Variants in ZBTB16 observed in about 807,000 individuals in gnomAD.
ZBTB16 encodes the protein zinc finger and BTB domain-containing protein 16.
In ZBTB16, 8 loss-of-function variants were observed where a neutral mutation model predicts 56.8. The observed-to-expected ratio is 0.14, with a 90% CI of 0.08 to 0.25. The LOEUF (loss-of-function observed/expected upper bound fraction) is 0.25, where lower values mean the gene tolerates loss of function less well. Among genes scored for constraint, ZBTB16 ranks in the 10% least tolerant of loss-of-function variants. The pLI is 1.00. For missense variants in ZBTB16, 625 were observed against 903.0 expected (o/e 0.69, Z 3.95); for synonymous variants, 363 against 368.5 (o/e 0.98, Z 0.17).
At chr11:114,203,946 A>G (rs1390407732) in intron 4 of ZBTB16, among the ~76,000 whole-genome samples, 1 of 152,118 alleles carries the variant, frequency 6.6e-6, no homozygotes, top group African/African-American at 2.4e-5. Flanking sequence ...TCAGGAGGAG[A>G]CGGGGTAGTT....
At chr11:114,243,776 C>T (rs1310354517) in intron 5 of ZBTB16, among the ~76,000 whole-genome samples, 1 of 152,182 alleles carries the variant, frequency 6.6e-6, no homozygotes, top group Non-Finnish European at 1.5e-5. Flanking sequence ...CTGAGCATGC[C>T]ACTGGGTCCA....
At chr11:114,233,057 A>T (rs1944475436) in intron 4 of ZBTB16, among the ~76,000 whole-genome samples, 1 of 109,920 alleles carries the variant, frequency 9.1e-6, no homozygotes, top group African/African-American at 3.1e-5. Context: ...ACTCTACTGC[A>T]CATACGCATG....
chr11:114,128,042 A>G (rs1377936935), intron 2 of ZBTB16, among the ~76,000 whole-genome samples: 1 of 152,174 alleles, frequency 6.6e-6, no homozygotes, highest in African/African-American at 2.4e-5. Flanking sequence ...TTCAGTGGGA[A>G]GGGTATAGGG....
At chr11:114,156,697 C>T in intron 3 of ZBTB16, among the ~76,000 whole-genome samples, 1 of 152,192 alleles carries the variant, frequency 6.6e-6, no homozygotes, top group East Asian at 1.9e-4. Flanking sequence ...GATCTACCTT[C>T]CAAAGTAGAC....
In ZBTB16 at chr11:114,186,986, T is replaced by A; in HGVS notation, c.1401T>A (p.Gly467=). ...AAGCCTTTGTCTGTGATCAGTGCGG[T>A]GCACAGTTTTCGAAGGAGGATGCCC... ...GAKAFVCDQC[G]AQFSKEDALE... The change falls in exon 4 of 7, where the codon GGT becomes GGA. Residue 467 remains glycine, a synonymous_variant. Transcript: ENST00000335953. 6.2e-7 allele frequency: 1 copy of A among 1,614,088 alleles called. No homozygotes were observed. The highest frequency in any genetic ancestry group is 1.1e-5 in the South Asian group (1 of 91,078).
chr11:114,223,263 A>T (rs979447472), intron 4 of ZBTB16, among the ~76,000 whole-genome samples: 1 of 152,192 alleles, frequency 6.6e-6, no homozygotes, highest in Admixed American at 6.5e-5. Context: ...AACCAAACCC[A>T]CAAAAGCCTA....
intron 2 of ZBTB16, among the ~76,000 whole-genome samples, chr11:114,118,028 A>G (rs917459846): frequency 6.6e-6 from 1 of 152,188 alleles, no homozygotes; most frequent in Non-Finnish European, 1.5e-5. Context: ...ACTCTGTGAA[A>G]TTTTAATCCT....
At chr11:114,183,097 G>T (rs1943285984) in intron 3 of ZBTB16, among the ~76,000 whole-genome samples, 1 of 147,470 alleles carries the variant, frequency 6.8e-6, no homozygotes, top group Non-Finnish European at 1.5e-5. Context: ...TCACCCTGGA[G>T]AGCTGGGGGG....
At chr11:114,223,900 A>T (rs997805723) in intron 4 of ZBTB16, among the ~76,000 whole-genome samples, 2 of 152,194 alleles carry the variant, frequency 1.3e-5, no homozygotes, top group Non-Finnish European at 2.9e-5. Flanking sequence ...AGGTAGGTAA[A>T]TGTCCAGAGT....
At chr11:114,171,212 C>G (rs1942958424) in intron 3 of ZBTB16, among the ~76,000 whole-genome samples, 1 of 152,238 alleles carries the variant, frequency 6.6e-6, no homozygotes, top group Non-Finnish European at 1.5e-5. Context: ...GAATGATACT[C>G]TCTGTCTCTA....
At chr11:114,096,812 AT>A (rs1565623473) in intron 2 of ZBTB16, among the ~76,000 whole-genome samples, 2 of 152,154 alleles carry the variant, frequency 1.3e-5, no homozygotes, top group Non-Finnish European at 2.9e-5. Context: ...TTCTAATCTA[AT>A]TCTTTTTTTC....
At position 114,099,951 on chromosome 11, in the gene ZBTB16, T is replaced by C. The variant is rs530271730; in HGVS notation, c.1268+35383T>C. Among the ~76,000 whole-genome samples, 69 of 152,338 alleles carry C rather than the reference T, an allele frequency of 4.5e-4. 1 individual carries two copies. The highest frequency in any genetic ancestry group is 1.6e-3 in the African/African-American group (65 of 41,586). On this transcript the variant is annotated intron_variant, in intron 2 of 6. Transcript: ENST00000335953. ...GTGTCTGTCTTTCTCAACCCCAGTG[T>C]GTGTCCTCTGACGTCTAGTGGATTG...
At chr11:114,122,151 C>T (rs1053233212) in intron 2 of ZBTB16, among the ~76,000 whole-genome samples, 6 of 152,180 alleles carry the variant, frequency 3.9e-5, no homozygotes, top group African/African-American at 9.7e-5. Context: ...CCTGAATGCA[C>T]GCCCTGTATG....
chr11:114,170,751 T>G (rs1254909679), intron 3 of ZBTB16, among the ~76,000 whole-genome samples: 1 of 152,202 alleles, frequency 6.6e-6, no homozygotes, highest in African/African-American at 2.4e-5. Context: ...CACAGGGAGC[T>G]CATTGGCGGC....
At chr11:114,083,564 A>C (rs1939855303) in intron 2 of ZBTB16, among the ~76,000 whole-genome samples, 1 of 152,074 alleles carries the variant, frequency 6.6e-6, no homozygotes, top group Non-Finnish European at 1.5e-5. Flanking sequence ...GAGCCCTAGC[A>C]CTGTGCCCTC....
intron 3 of ZBTB16, among the ~76,000 whole-genome samples, chr11:114,168,683 A>G (rs1425034640): frequency 5.3e-5 from 8 of 152,150 alleles, no homozygotes; most frequent in Non-Finnish European, 1.2e-4. Context: ...GCATGCTGCT[A>G]TACCTAGCCC....
intron 2 of ZBTB16, among the ~76,000 whole-genome samples, chr11:114,115,958 C>G (rs891603698): frequency 1.3e-5 from 2 of 152,162 alleles, no homozygotes; most frequent in Non-Finnish European, 2.9e-5. Context: ...GGCTATACCC[C>G]CTCCCCACCC....
chr11:114,247,345 C>G lies in ZBTB16; in HGVS notation c.1772C>G (p.Thr591Arg). 1 of 1,614,266 alleles carries G rather than the reference C, an allele frequency of 6.2e-7. No homozygotes were observed. The change falls in exon 6 of 7, where the codon ACG (threonine) becomes AGG (arginine). Residue 591 changes from threonine (T) to arginine (R), a missense_variant. Thr to Arg is a moderately conservative substitution (Grantham distance 71, BLOSUM62 -1). This residue lies in a region of ZBTB16 where 7 missense variants were observed against 25.1 expected (regional missense o/e 0.28). Transcript: ENST00000335953. ...TTCAGCCTCAAGCATCAGCTGGAGA[C>G]GCACTATAGGGTGCACACAGGTACC... is the stretch of plus-strand genomic sequence containing the variant. ...KKFSLKHQLETHYRVHTGEKP... is the reference protein window; with the variant it reads ...KKFSLKHQLERHYRVHTGEKP...
intron 3 of ZBTB16, among the ~76,000 whole-genome samples, chr11:114,170,010 G>T (rs1012592433): frequency 6.6e-6 from 1 of 152,150 alleles, no homozygotes; most frequent in African/African-American, 2.4e-5. Context: ...CTTGCACTTG[G>T]GAGTCCTCCA....
Sources: gnomAD v4.1 joint callset for allele counts (sites outside exome capture counted in the v4.1 genomes callset) on GRCh38, gnomAD v4.1.1 for gene constraint, gnomAD v4.1.1 regional missense constraint, MANE v1.5 for transcripts, NCBI Gene and HGNC (gene_info 2026-07-23, HGNC 2026-07-21) for gene names.